The following SEMA5A variants were observed in gnomAD, a reference collection of about 807,000 sequenced individuals.
SEMA5A encodes semaphorin-5A.
In SEMA5A, 55 loss-of-function variants were observed where a neutral mutation model predicts 135.5. The observed-to-expected ratio is 0.41, with a 90% CI of 0.33 to 0.51. SEMA5A has a LOEUF of 0.51. SEMA5A is among the 20% of genes least tolerant of loss of function. The pLI, the probability that SEMA5A is intolerant of heterozygous loss-of-function variation, is 0.37. For missense variants in SEMA5A, 1,290 were observed against 1,419.9 expected (o/e 0.91, Z 1.47); for synonymous variants, 580 against 546.5 (o/e 1.06, Z -0.85).
At chr5:9,296,292 A>T (rs1362792394) in intron 5 of SEMA5A, among the ~76,000 whole-genome samples, 1 of 152,116 alleles carries the variant, frequency 6.6e-6, no homozygotes, top group Non-Finnish European at 1.5e-5. Context: ...TTTGAGGTTG[A>T]TCTATAAATC....
chr5:9,113,047 G>T (rs1441471346), intron 15 of SEMA5A, among the ~76,000 whole-genome samples: 1 of 152,158 alleles, frequency 6.6e-6, no homozygotes, highest in Admixed American at 6.5e-5. Flanking sequence ...TTGGAGGCAG[G>T]TCTTTCTCTA....
At chr5:9,385,433 T>C (rs1041263996) in intron 2 of SEMA5A, among the ~76,000 whole-genome samples, 1 of 152,336 alleles carries the variant, frequency 6.6e-6, no homozygotes, top group South Asian at 2.1e-4. Context: ...TAATGTACTT[T>C]TCAGAGGAGG....
chr5:9,052,809 TA>T lies in SEMA5A; in HGVS notation c.2690-782del, dbSNP rs371276015. Among the ~76,000 whole-genome samples, 143 of 144,324 alleles carry T rather than the reference TA, an allele frequency of 9.9e-4. 1 individual carries two copies. The highest frequency in any genetic ancestry group is 3.0e-3 in the Admixed American group (43 of 14,376). 94.7% of individuals were successfully genotyped at this position (144,324 alleles called of 152,430 possible). On this transcript the variant is annotated intron_variant, in intron 19 of 22. Coordinates refer to ENST00000382496, the MANE Select transcript of SEMA5A (RefSeq NM_003966.3). ...AAGACTCCTATATAAGTAAGAAGGTTAAAAAAAAAAAACTCTGGATATTGTT... is the reference window on the plus strand; with the variant it reads ...AAGACTCCTATATAAGTAAGAAGGTTAAAAAAAAAAACTCTGGATATTGTT...
chr5:9,324,227 C>T (rs1455657536), intron 4 of SEMA5A, among the ~76,000 whole-genome samples: 3 of 152,032 alleles, frequency 2.0e-5, no homozygotes, highest in East Asian at 1.9e-4. Flanking sequence ...CGCCACCACA[C>T]CTGGCTAATT....
intron 5 of SEMA5A, among the ~76,000 whole-genome samples, 163 bp downstream of exon 5, chr5:9,318,209 C>T (rs6555601): frequency 0.15 from 23,220 of 152,116 alleles, 3,965 homozygotes; most frequent in African/African-American, 0.42. Flanking sequence ...GGTAATGACT[C>T]GTAACAAGTA....
chr5:9,098,510 G>A (rs1739450255), intron 16 of SEMA5A, among the ~76,000 whole-genome samples: 1 of 152,138 alleles, frequency 6.6e-6, no homozygotes, highest in Admixed American at 6.5e-5. Context: ...AGATGCATTT[G>A]GAAAAGAATA....
At chr5:9,283,907 A>G (rs1231086837) in intron 5 of SEMA5A, among the ~76,000 whole-genome samples, 1 of 152,244 alleles carries the variant, frequency 6.6e-6, no homozygotes, top group African/African-American at 2.4e-5. Context: ...ATTGCAGGAC[A>G]TAACACAGAA....
intron 2 of SEMA5A, among the ~76,000 whole-genome samples, chr5:9,424,402 A>G (rs1351862597): frequency 6.6e-6 from 1 of 152,236 alleles, no homozygotes; most frequent in Non-Finnish European, 1.5e-5. Flanking sequence ...CAAATGAAAT[A>G]TTATGAGGAG....
intron 16 of SEMA5A, among the ~76,000 whole-genome samples, chr5:9,107,113 G>A (rs751865440): frequency 6.6e-6 from 1 of 152,152 alleles, no homozygotes; most frequent in Non-Finnish European, 1.5e-5. Context: ...TGCTGCAAAG[G>A]CCAACTGGAA....
At chr5:9,085,134 A>G (rs1738607802) in intron 16 of SEMA5A, among the ~76,000 whole-genome samples, 1 of 152,204 alleles carries the variant, frequency 6.6e-6, no homozygotes, top group African/African-American at 2.4e-5. Context: ...GTGCTGTTAA[A>G]AGCATTCCGT....
At chr5:9,146,907 G>A (rs1470444803) in intron 12 of SEMA5A, among the ~76,000 whole-genome samples, 1 of 152,072 alleles carries the variant, frequency 6.6e-6, no homozygotes, top group Non-Finnish European at 1.5e-5. Flanking sequence ...CATTCTGAGG[G>A]GATAATATTT....
chr5:9,354,209 G>C (rs1274957360), intron 3 of SEMA5A, among the ~76,000 whole-genome samples: 5 of 152,070 alleles, frequency 3.3e-5, no homozygotes, highest in Non-Finnish European at 7.4e-5. Context: ...TTCATTTCAA[G>C]GTACTAACCT....
At chr5:9,230,162 T>TC (rs1169930271) in intron 6 of SEMA5A, among the ~76,000 whole-genome samples, 119 of 139,230 alleles carry the variant, frequency 8.5e-4, no homozygotes, top group Non-Finnish European at 1.4e-3. Flanking sequence ...TTTTTTCTTT[T>TC]TTTTTTTTTT....
intron 16 of SEMA5A, among the ~76,000 whole-genome samples, chr5:9,105,393 C>G (rs1739857643): frequency 6.6e-6 from 1 of 152,156 alleles, no homozygotes. Context: ...CTAACCGATG[C>G]ATACTTGAAC....
chr5:9,099,170 A>G (rs1390890076), intron 16 of SEMA5A, among the ~76,000 whole-genome samples: 1 of 152,172 alleles, frequency 6.6e-6, no homozygotes, highest in Non-Finnish European at 1.5e-5. Context: ...TCTGTGCCAT[A>G]CATCATTCTT....
intron 2 of SEMA5A, among the ~76,000 whole-genome samples, chr5:9,420,952 G>C (rs546819007): frequency 6.6e-6 from 1 of 152,248 alleles, no homozygotes; most frequent in African/African-American, 2.4e-5. Context: ...GGAGGGGTAG[G>C]TTACAGTGAG....
chr5:9,246,369 T>C (rs540426131), intron 5 of SEMA5A, among the ~76,000 whole-genome samples: 2 of 152,296 alleles, frequency 1.3e-5, no homozygotes, highest in South Asian at 2.1e-4. Flanking sequence ...AGGACTGGCT[T>C]GCCTAGTTTA....
chr5:9,453,057 C>T (rs1356405825), intron 1 of SEMA5A, among the ~76,000 whole-genome samples: 1 of 152,194 alleles, frequency 6.6e-6, no homozygotes, highest in Non-Finnish European at 1.5e-5. Flanking sequence ...TAAGTCTAAA[C>T]ACGTACTTTA....
At chr5:9,325,969 T>C (rs1400168827) in intron 4 of SEMA5A, among the ~76,000 whole-genome samples, 2 of 152,204 alleles carry the variant, frequency 1.3e-5, no homozygotes, top group African/African-American at 4.8e-5. Context: ...ATTTTAACAA[T>C]GTTGACAGAA....
Sources: gnomAD v4.1 joint callset for allele counts (sites outside exome capture counted in the v4.1 genomes callset) on GRCh38, gnomAD v4.1.1 for gene constraint, MANE v1.5 for transcripts, NCBI Gene and HGNC (gene_info 2026-07-23, HGNC 2026-07-21) for gene names.